The following RBFOX2 variants were observed in gnomAD, a reference collection of about 807,000 sequenced individuals.
RBFOX2 encodes RNA binding protein fox-1 homolog 2.
Under a neutral mutation model 49.1 loss-of-function variants are expected in RBFOX2, and 10 were observed. The ratio of observed to expected loss-of-function variants is 0.20; its 90% CI spans 0.13 to 0.35. RBFOX2 has a LOEUF of 0.35. RBFOX2 is among the 10% of genes least tolerant of loss of function. RBFOX2 has a pLI of 1.00. For missense variants in RBFOX2, 323 were observed against 486.9 expected (o/e 0.66, Z 3.17); for synonymous variants, 183 against 187.4 (o/e 0.98, Z 0.19).
In RBFOX2 at chr22:35,780,541, A is replaced by T. The variant is rs569598211; in HGVS notation, c.399+1059T>A. Among the ~76,000 whole-genome samples the T allele has an allele frequency of 1.2e-3, 189 of 152,312 alleles. 1 individual carries two copies. The highest frequency in any genetic ancestry group is 4.4e-3 in the African/African-American group (183 of 41,582). Reference sequence around the variant, plus strand: ...CTTTTTTTCATGATGGTGATTCAGGAGGAAATAAACAGTTGAAAGAATACA... The same window carrying T: ...CTTTTTTTCATGATGGTGATTCAGGTGGAAATAAACAGTTGAAAGAATACA... On this transcript the variant is annotated intron_variant, in intron 3 of 11. Transcript: ENST00000405409.
upstream of RBFOX2, among the ~76,000 whole-genome samples, chr22:35,842,045 T>A (rs1197861135): frequency 6.6e-6 from 1 of 152,204 alleles, no homozygotes; most frequent in Admixed American, 6.5e-5. Flanking sequence ...ATTCAATTTT[T>A]AAAATTTTAA....
At chr22:35,875,610 GTGTGTGTGTGT>G (rs2044953798) in intron 1 of RBFOX2, among the ~76,000 whole-genome samples, 7 of 14,842 alleles carry the variant, frequency 4.7e-4, no homozygotes, top group Non-Finnish European at 6.4e-4. Flanking sequence ...TCACAAGGGT[GTGTGTGTGTGT>G]GTGTGTGTGT....
intron 1 of RBFOX2, among the ~76,000 whole-genome samples, chr22:35,825,356 G>T (rs866377871): frequency 3.3e-5 from 5 of 151,612 alleles, no homozygotes; most frequent in South Asian, 2.1e-4. Flanking sequence ...CTTGGTGGGG[G>T]AAGGCAGAGT....
chr22:35,789,494 G>C lies in RBFOX2; in HGVS notation c.253-7748C>G, dbSNP rs751831168. On this transcript the variant is annotated intron_variant, in intron 2 of 11. Transcript: ENST00000405409. ...GGAGGCAGAGGTTGCAATGAGCTGA[G>C]ATCGCACCATTGCACTCTAGCCTAG... Among the ~76,000 whole-genome samples the C allele has an allele frequency of 4.1e-4, 62 of 152,094 alleles. 1 individual carries two copies. The highest frequency in any genetic ancestry group is 1.2e-4 in the Non-Finnish European group (8 of 68,030).
chr22:36,018,397 G>A (rs2059122830), intron 1 of RBFOX2, among the ~76,000 whole-genome samples: 2 of 152,116 alleles, frequency 1.3e-5, no homozygotes. Flanking sequence ...AGGAACTTTG[G>A]GTAGAAGGGA....
chr22:35,953,274 C>G (rs2055162171), intron 1 of RBFOX2, among the ~76,000 whole-genome samples: 1 of 117,012 alleles, frequency 8.5e-6, no homozygotes, highest in African/African-American at 3.2e-5. Flanking sequence ...AAGGGATAAA[C>G]AGATAAACAA....
intron 5 of RBFOX2, among the ~76,000 whole-genome samples, chr22:35,766,121 T>C (rs1020573044): frequency 6.6e-6 from 1 of 152,218 alleles, no homozygotes; most frequent in African/African-American, 2.4e-5. Context: ...ATAAAGTGTT[T>C]ATTTATTTTG....
chr22:35,925,285 G>A (rs560681423), intron 1 of RBFOX2, among the ~76,000 whole-genome samples: 25 of 152,250 alleles, frequency 1.6e-4, no homozygotes, highest in African/African-American at 5.1e-4. Context: ...TTGGGAGCCT[G>A]AGGCAAGAGG....
intron 11 of RBFOX2, among the ~76,000 whole-genome samples, chr22:35,744,692 A>G (rs1931751632): frequency 6.6e-6 from 1 of 152,198 alleles, no homozygotes; most frequent in Non-Finnish European, 1.5e-5. Context: ...GATCCCTGCC[A>G]TGTGTGGTCA....
At chr22:35,785,928 T>C (rs1292530392) in intron 2 of RBFOX2, among the ~76,000 whole-genome samples, 1 of 152,210 alleles carries the variant, frequency 6.6e-6, no homozygotes, top group Non-Finnish European at 1.5e-5. Context: ...TTACAACTAA[T>C]GCTCATTCAA....
chr22:35,856,614 T>C (rs1345982651), intron 1 of RBFOX2, among the ~76,000 whole-genome samples: 1 of 147,826 alleles, frequency 6.8e-6, no homozygotes, highest in African/African-American at 2.5e-5. Flanking sequence ...AGGTCAGTTC[T>C]AGAGGCCAGG....
chr22:35,839,128 G>A (rs981710137), intron 1 of RBFOX2, among the ~76,000 whole-genome samples: 1 of 152,202 alleles, frequency 6.6e-6, no homozygotes, highest in Non-Finnish European at 1.5e-5. Context: ...GAGTGAAACT[G>A]ATCTTAAGTC....
chr22:35,850,251 C>T (rs2041785067), intron 1 of RBFOX2, among the ~76,000 whole-genome samples: 1 of 144,356 alleles, frequency 6.9e-6, no homozygotes, highest in African/African-American at 2.6e-5. Flanking sequence ...TCACTGTCTC[C>T]GGCAGAGACA....
intron 3 of RBFOX2, among the ~76,000 whole-genome samples, chr22:35,779,377 G>A (rs1254678045): frequency 6.6e-6 from 1 of 152,132 alleles, no homozygotes. Context: ...ACTGAAAAAT[G>A]GAAAGAGCAA....
chr22:36,017,061 A>T (rs2059063503), intron 1 of RBFOX2, among the ~76,000 whole-genome samples: 2 of 152,202 alleles, frequency 1.3e-5, no homozygotes, highest in African/African-American at 4.8e-5. Flanking sequence ...GTCGGAGGGG[A>T]GAACAACAGC....
upstream of RBFOX2, among the ~76,000 whole-genome samples, chr22:35,841,336 A>T (rs117872048): frequency 1.6e-4 from 25 of 152,256 alleles, no homozygotes; most frequent in East Asian, 4.8e-3. Context: ...GGTTTAGGAG[A>T]ATACTGACAA....
At chr22:35,790,581 T>A (rs933977740) in intron 2 of RBFOX2, among the ~76,000 whole-genome samples, 1 of 152,182 alleles carries the variant, frequency 6.6e-6, no homozygotes, top group African/African-American at 2.4e-5. Context: ...TAGCACTATA[T>A]CAGTATTCAG....
intron 1 of RBFOX2, among the ~76,000 whole-genome samples, chr22:35,848,086 T>C (rs1009816460): frequency 6.6e-6 from 1 of 152,186 alleles, no homozygotes; most frequent in Non-Finnish European, 1.5e-5. Flanking sequence ...TTTTCAACTT[T>C]TTCCTCAAAG....
At chr22:35,878,255 G>A (rs1465757555) in intron 1 of RBFOX2, among the ~76,000 whole-genome samples, 4 of 151,930 alleles carry the variant, frequency 2.6e-5, no homozygotes, top group African/African-American at 4.8e-5. Context: ...AAAATTAGCC[G>A]AGCATGGTGG....
Sources: gnomAD v4.1 joint callset for allele counts (sites outside exome capture counted in the v4.1 genomes callset) on GRCh38, gnomAD v4.1.1 for gene constraint, MANE v1.5 for transcripts, NCBI Gene and HGNC (gene_info 2026-07-23, HGNC 2026-07-21) for gene names.